The following SPTBN2 variants were observed in gnomAD, a reference collection of about 807,000 sequenced individuals.
SPTBN2 encodes the protein spectrin beta chain, non-erythrocytic 2.
Under a neutral mutation model 284.2 loss-of-function variants are expected in SPTBN2, and 107 were observed. The ratio of observed to expected loss-of-function variants is 0.38; its 90% confidence interval spans 0.32 to 0.44. SPTBN2 has a LOEUF of 0.44. Ranked by LOEUF, SPTBN2 falls within the 20% of genes least tolerant of loss-of-function variation. The pLI is 1.00. For synonymous variants in SPTBN2, 1,289 were observed against 1,354.8 expected, an observed-to-expected ratio of 0.95 and a Z score of 1.07; for missense variants, 2,569 against 3,287.1, an observed-to-expected ratio of 0.78 and a Z score of 5.34.
In SPTBN2 at chr11:66,686,090, C is replaced by T. The variant is rs752835717; in HGVS notation, c.6954G>A (p.Ser2318=). ...TGGCTGCATTCACCACCCGTAGCCA[C>T]GAGCTCATCTCTGCCTGTGGATGGA... ...FQAKDEAEMS[S]WLRVVNAAIA... Residue 2318 remains serine, a synonymous_variant, in exon 38 of 38, where the codon TCG becomes TCA. Coordinates refer to ENST00000533211, the MANE Select transcript of SPTBN2 (RefSeq NM_006946.4). 9.3e-6 allele frequency: 15 copies of T among 1,613,436 alleles called. No individual in the cohort carries two copies. The highest frequency in any genetic ancestry group is 8.9e-5 in the East Asian group (4 of 44,868).
Position 66,708,978 on chromosome 11 carries a change from A to G in SPTBN2, c.1115T>C (p.Ile372Thr). The G allele has an allele frequency of 6.2e-7, 1 of 1,613,608 alleles. No homozygotes were observed. Among genetic ancestry groups the G allele is most frequent in the Non-Finnish European group, 8.5e-7 (1 of 1,179,876 alleles). The change falls in exon 11 of 38, where the codon ATC becomes ACC. Residue 372 changes from isoleucine to threonine, a missense_variant. This residue lies in a region of SPTBN2 where 304 missense variants were observed against 522.1 expected (regional missense o/e 0.58). Coordinates refer to ENST00000533211, the MANE Select transcript of SPTBN2 (RefSeq NM_006946.4). The surrounding 1 kb of genome is among the most constrained non-coding windows in gnomAD (Gnocchi z 4.4). ...GTTGTTGGCCCGAAGCTTGCTCTGG[A>G]TGGTGAAGAGCAGCACTTCCAAGTT... ...KGNLEVLLFT[I>T]QSKLRANNQK...
intron 10 of SPTBN2, among the ~76,000 whole-genome samples, chr11:66,709,889 C>A (rs190949124): frequency 2.0e-5 from 3 of 152,194 alleles, no homozygotes; most frequent in Non-Finnish European, 2.9e-5. Flanking sequence ...GCAATTCTCA[C>A]GTTACCAGCC....
chr11:66,691,828 T>G lies in SPTBN2; in HGVS notation c.5191-170A>C, dbSNP rs1940570954. 1.3e-5 allele frequency among the ~76,000 whole-genome samples: 2 copies of G among 151,626 alleles called. No homozygotes were observed. Among genetic ancestry groups the G allele is most frequent in the Admixed American group, 6.5e-5 (1 of 15,274 alleles). ...AGGAGTAGGTGCAGCTGCTTCCCAC[T>G]GACCCTGTATTTGACAGACTCCCTC... On this transcript the variant is annotated intron_variant, in intron 26 of 37. Coordinates refer to ENST00000533211, the MANE Select transcript of SPTBN2 (RefSeq NM_006946.4). This position sits in a 1 kb window ranked among gnomAD's most constrained non-coding sequence, Gnocchi z 8.0.
At chr11:66,695,746 T>G (rs576218654) in intron 21 of SPTBN2, among the ~76,000 whole-genome samples, 87 of 151,170 alleles carry the variant, frequency 5.8e-4, no homozygotes, top group Non-Finnish European at 1.1e-3. Context: ...ATACTTCTGT[T>G]TTTTTTTTTG....
chr11:66,696,667 G>A, intron 20 of SPTBN2, 127 bp from the exon 21 acceptor site: 1 of 1,308,626 alleles, frequency 7.6e-7, no homozygotes. Context: ...GTCCTTGTGT[G>A]TTCTTATCGA....
In SPTBN2 at chr11:66,710,764, C is replaced by T; in HGVS notation, c.891G>A (p.Leu297=). Residue 297 remains leucine, a synonymous_variant, in exon 10 of 38, where the codon CTG becomes CTA. Transcript: ENST00000533211. The surrounding 1 kb of genome is among the most constrained non-coding windows in gnomAD (Gnocchi z 4.9). ...GGCGCTCTGCCTCCATGGCATGGTC[C>T]AGCACCTGGGAGGCAGAAGACAGGG... ...AVEGKRIGKV[L]DHAMEAERLV... 2 of 1,613,976 alleles carry T rather than the reference C, an allele frequency of 1.2e-6. No homozygotes were observed. The highest frequency in any genetic ancestry group is 8.5e-7 in the Non-Finnish European group (1 of 1,180,028).
chr11:66,694,123 G>T lies in SPTBN2; in HGVS notation c.4503+16C>A, dbSNP rs1220634156. 6.2e-7 allele frequency: 1 copy of T among 1,602,260 alleles called. No homozygotes were observed. The highest frequency in any genetic ancestry group is 1.3e-5 in the African/African-American group (1 of 74,902). On this transcript the variant is annotated intron_variant, in intron 22 of 37. Transcript: ENST00000533211. The stretch of plus-strand genomic sequence containing the variant: ...TGGCTGGGGGCAGCTTGCCGTCCTT[G>T]GCCCCAGTGACTCACAATCTCATCT...
chr11:66,693,942 T>C lies in SPTBN2; in HGVS notation c.4504-81A>G. On this transcript the variant is annotated intron_variant, in intron 22 of 37. Transcript: ENST00000533211. This position sits in a 1 kb window ranked among gnomAD's most constrained non-coding sequence, Gnocchi z 5.7. ...ACTGATTAGTGGGAGTGGGGACACC[T>C]GGGGCTACCGCCCTGTGTGTGGGGA... 7.1e-7 allele frequency: 1 copy of C among 1,412,008 alleles called. No individual in the cohort carries two copies. The highest frequency in any genetic ancestry group is 9.8e-7 in the Non-Finnish European group (1 of 1,017,140). The allele number at this position is 1,412,008 out of a possible 1,614,324, so 87.5% of individuals were successfully genotyped here.
In SPTBN2 at chr11:66,699,058, C is replaced by T. The variant is rs776179938; in HGVS notation, c.3801G>A (p.Ala1267=). The T allele has an allele frequency of 3.2e-5, 51 of 1,614,088 alleles. No individual in the cohort carries two copies. The highest frequency in any genetic ancestry group is 4.0e-5 in the Non-Finnish European group (47 of 1,180,044). ...ERRHKKNQDA[A]QQFLGRLRDN... ...CCCGAAGACGGCCCAGAAATTGCTG[C>T]GCTGCGTCTTGATTCTTCTTGTGCC... The change falls in exon 19 of 38, where the codon GCG becomes GCA. Residue 1267 remains alanine, a synonymous_variant. Transcript: ENST00000533211.
chr11:66,710,131 C>T lies in SPTBN2; in HGVS notation c.1073+451G>A, dbSNP rs1941776123. Among the ~76,000 whole-genome samples, 1 of 152,258 alleles carries T rather than the reference C, an allele frequency of 6.6e-6. No individual in the cohort carries two copies. Among genetic ancestry groups the T allele is most frequent in the East Asian group, 1.9e-4 (1 of 5,200 alleles). On this transcript the variant is annotated intron_variant, in intron 10 of 37. Coordinates refer to ENST00000533211, the MANE Select transcript of SPTBN2 (RefSeq NM_006946.4). The surrounding 1 kb of genome is among the most constrained non-coding windows in gnomAD (Gnocchi z 4.9). The stretch of plus-strand genomic sequence containing the variant: ...GATCTTGGCTCACTGCAACCTCTGT[C>T]TCCCGGGTTCAGGTGGTTCTCCTGC...
At chr11:66,690,544 G>A (rs539936464) in intron 27 of SPTBN2, among the ~76,000 whole-genome samples, 1 of 152,334 alleles carries the variant, frequency 6.6e-6, no homozygotes, top group East Asian at 1.9e-4. Flanking sequence ...TCAGAGGCCT[G>A]TCTAGGATGT....
Position 66,693,805 on chromosome 11 carries a change from C to A in SPTBN2, c.4560G>T (p.Leu1520=), listed in dbSNP as rs775472534. The A allele has an allele frequency of 1.9e-6, 3 of 1,613,900 alleles. No individual in the cohort carries two copies. Among genetic ancestry groups the A allele is most frequent in the Admixed American group, 3.3e-5 (2 of 60,010 alleles). The change falls in exon 23 of 38, where the codon CTG becomes CTT. Residue 1520 remains leucine, a synonymous_variant. Coordinates refer to ENST00000533211, the MANE Select transcript of SPTBN2 (RefSeq NM_006946.4). This position sits in a 1 kb window ranked among gnomAD's most constrained non-coding sequence, Gnocchi z 5.7. ...MASSMEHGKD[L]PSVQLLMKKN... ...TCTTCATGAGAAGCTGGACGCTGGG[C>A]AGGTCCTTGCCATGCTCCATGGAGC...
chr11:66,714,253 T>C (rs1371863667), intron 6 of SPTBN2, 63 bp downstream of exon 6: 1 of 1,607,874 alleles, frequency 6.2e-7, no homozygotes, highest in African/African-American at 1.3e-5. Context: ...TCATGGTTCC[T>C]GGAGCCCAGC....
At position 66,705,064 on chromosome 11, in the gene SPTBN2, C is replaced by T. The variant is rs1310384998; in HGVS notation, c.2212G>A (p.Glu738Lys). 1.3e-6 allele frequency: 2 copies of T among 1,591,660 alleles called. No individual in the cohort carries two copies. The highest frequency in any genetic ancestry group is 1.7e-6 in the Non-Finnish European group (2 of 1,176,244). The change falls in exon 15 of 38, where the codon GAG becomes AAG. Residue 738 changes from glutamate (E) to lysine (K), a missense_variant. Glu to Lys is a moderately conservative substitution (Grantham distance 56). Transcript: ENST00000533211. ...QWERLEALAE[E>K]RAQRLAQAAS... ...GCTTGGGCCAGCCGCTGGGCACGCT[C>T]CTCGGCCAGGGCCTCTAGCCGCTCC...
At chr11:66,741,903 C>T (rs1430196561) in intron 1 of SPTBN2, among the ~76,000 whole-genome samples, 1 of 152,048 alleles carries the variant, frequency 6.6e-6, no homozygotes, top group African/African-American at 2.4e-5. Flanking sequence ...CTCACCGCAA[C>T]CTCCAACTCG....
rs1408176619 is a variant in SPTBN2 at position 66,704,838 on chromosome 11, A to G, written c.2438T>C (p.Leu813Pro). The G allele has an allele frequency of 3.1e-6, 5 of 1,608,010 alleles. No individual in the cohort carries two copies. The highest frequency in any genetic ancestry group is 4.2e-6 in the Non-Finnish European group (5 of 1,179,518). The stretch of plus-strand genomic sequence containing the variant: ...GGGCGTGCGGCTCAGTGTGGGGGGC[A>G]GGGCTGCTGCCTGTTCCCTCAAGGC... ...LDALREQAAA[L>P]PPTLSRTPEV... is the part of the protein sequence containing the mutation. The change falls in exon 15 of 38, where the codon CTG (leucine) becomes CCG (proline). Residue 813 changes from leucine (L) to proline (P), a missense_variant. Transcript: ENST00000533211.
chr11:66,717,065 T>C (rs1942182057), intron 3 of SPTBN2, among the ~76,000 whole-genome samples: 1 of 152,030 alleles, frequency 6.6e-6, no homozygotes, highest in South Asian at 2.1e-4. Flanking sequence ...ACCCCATTGC[T>C]TAGAAGAACA....
rs955154846 is a variant in SPTBN2 at position 66,715,745 on chromosome 11, ACT to A, written c.309+83_309+84del. Reference sequence around the variant, plus strand: ...CCACTGCTTCCCGCCCTGTGCCGTCACTCTCTCTGAGGGCTGTTCTTCCAGCT... The same window carrying A: ...CCACTGCTTCCCGCCCTGTGCCGTCACTCTCTGAGGGCTGTTCTTCCAGCT... On this transcript the variant is annotated intron_variant, in intron 4 of 37. Coordinates refer to ENST00000533211, the MANE Select transcript of SPTBN2 (RefSeq NM_006946.4). The surrounding 1 kb of genome is among the most constrained non-coding windows in gnomAD (Gnocchi z 5.3). 50 of 1,559,052 alleles carry A rather than the reference ACT, an allele frequency of 3.2e-5. No individual in the cohort carries two copies. The East Asian group carries it at 6.6e-4, about 20-fold the overall frequency.
At chr11:66,739,617 T>C (rs559199366) in intron 1 of SPTBN2, among the ~76,000 whole-genome samples, 19 of 152,376 alleles carry the variant, frequency 1.2e-4, no homozygotes, top group South Asian at 4.1e-4. Flanking sequence ...CTTGACCATA[T>C]GTGACCACAT....
Sources: gnomAD v4.1 joint callset for allele counts (sites outside exome capture counted in the v4.1 genomes callset) on GRCh38, gnomAD v4.1.1 for gene constraint, gnomAD v4.1.1 regional missense constraint, Gnocchi (gnomAD v3.1) non-coding constraint, MANE v1.5 for transcripts, NCBI Gene and HGNC (gene_info 2026-07-23, HGNC 2026-07-21) for gene names.